Variants in ZC3H12B observed in about 807,000 individuals in gnomAD.
The protein encoded by ZC3H12B is zinc finger CCCH-type containing 12B.
Under a neutral mutation model 43.9 loss-of-function variants are expected in ZC3H12B, and 7 were observed. The ratio of observed to expected loss-of-function variants is 0.16; its 90% CI spans 0.09 to 0.30. The LOEUF (loss-of-function observed/expected upper bound fraction) is 0.30. Among genes scored for constraint, ZC3H12B ranks in the 10% least tolerant of loss-of-function variants. The pLI, the probability that ZC3H12B is intolerant of heterozygous loss-of-function variation, is 1.00. For synonymous variants in ZC3H12B, 222 were observed against 241.7 expected (o/e 0.92, Z 0.76); for missense variants, 475 against 670.2 (o/e 0.71, Z 3.22).
intron 2 of ZC3H12B, among the ~76,000 whole-genome samples, chrX:65,388,363 CT>C (rs1442756580): frequency 2.7e-5 from 3 of 111,637 alleles, no homozygotes; most frequent in Non-Finnish European, 5.6e-5. Context: ...TTTCTCTAAA[CT>C]TCTCTTCTTG....
At chrX:65,094,934 A>C in the ZC3H12B span, among the ~76,000 whole-genome samples, 8 of 112,228 alleles carry the variant, frequency 7.1e-5, no homozygotes, top group Non-Finnish European at 1.5e-4. Flanking sequence ...GGAACAATTA[A>C]CAGATAAACT....
At chrX:65,506,663 G>A (rs756100676) in exon 5 of ZC3H12B, 2 of 111,928 alleles carry the variant, frequency 1.8e-5, no homozygotes, top group Non-Finnish European at 3.8e-5. Context: ...TGTGCCTGTT[G>A]AGGCCTTCAA....
chrX:65,238,469 A>C, the ZC3H12B span, among the ~76,000 whole-genome samples: 1 of 108,312 alleles, frequency 9.2e-6, no homozygotes, highest in Non-Finnish European at 1.9e-5. Context: ...GCTTGTGGCT[A>C]TTTGATTCTT....
At chrX:65,497,100 T>C (rs771017419) in intron 1 of ZC3H12B, 32 bp from the exon 7 acceptor site, 1 of 1,172,904 alleles carries the variant, frequency 8.5e-7, no homozygotes, top group Non-Finnish European at 1.1e-6. Context: ...CTATTATCAA[T>C]CTTCTCTCCT....
chrX:65,466,919 T>TATATATAC (rs2067828495), intron 3 of ZC3H12B, among the ~76,000 whole-genome samples: 1 of 17,610 alleles, frequency 5.7e-5, no homozygotes. Context: ...AAACCAAATA[T>TATATATAC]ATATATATAT....
chrX:65,348,688 C>CAA, the ZC3H12B span, among the ~76,000 whole-genome samples: 6 of 50,444 alleles, frequency 1.2e-4, no homozygotes, highest in South Asian at 1.1e-3. Context: ...AAATGGCAAG[C>CAA]AAAAAAAAAA....
chrX:65,298,845 C>T, the ZC3H12B span, among the ~76,000 whole-genome samples: 3 of 111,212 alleles, frequency 2.7e-5, no homozygotes, highest in South Asian at 3.7e-4. Flanking sequence ...TGGTGGAAGG[C>T]AAAGGGAAAG....
the ZC3H12B span, among the ~76,000 whole-genome samples, chrX:65,136,201 ATGGGAGAACTACCT>A: frequency 2.7e-5 from 3 of 111,439 alleles, no homozygotes; most frequent in African/African-American, 9.8e-5. Context: ...ACAACAGCTA[ATGGGAGAACTACCT>A]CATTACTTCT....
At chrX:65,188,222 A>G in the ZC3H12B span, among the ~76,000 whole-genome samples, 1 of 111,457 alleles carries the variant, frequency 9.0e-6, no homozygotes, top group Non-Finnish European at 1.9e-5. Context: ...ATGGACACTT[A>G]GGTTGCTTCC....
chrX:65,414,374 A>C (rs939320452), intron 3 of ZC3H12B, among the ~76,000 whole-genome samples: 26 of 111,072 alleles, frequency 2.3e-4, no homozygotes, highest in African/African-American at 8.5e-4. Context: ...CTTTGCTGGA[A>C]GTGTTCTATG....
At chrX:65,242,106 G>A in the ZC3H12B span, among the ~76,000 whole-genome samples, 2 of 110,553 alleles carry the variant, frequency 1.8e-5, no homozygotes, top group South Asian at 7.9e-4. Context: ...TAGGGGTGGG[G>A]GTTACTTTGG....
chrX:65,373,644 G>A (rs1602334543), intron 2 of ZC3H12B, among the ~76,000 whole-genome samples: 1 of 99,421 alleles, frequency 1.0e-5, no homozygotes, highest in East Asian at 3.4e-4. Context: ...CGCAAGGACA[G>A]AAAACCAAAC....
At chrX:65,230,359 G>T in the ZC3H12B span, among the ~76,000 whole-genome samples, 5 of 108,290 alleles carry the variant, frequency 4.6e-5, no homozygotes, top group Middle Eastern at 4.7e-3. Flanking sequence ...GCAGGAAGGG[G>T]AACATCACAC....
At chrX:65,451,629 T>C (rs1333880474) in intron 3 of ZC3H12B, among the ~76,000 whole-genome samples, 1 of 112,085 alleles carries the variant, frequency 8.9e-6, no homozygotes, top group African/African-American at 3.2e-5. Context: ...CATCAGCCAC[T>C]GTGCTCAGCC....
the ZC3H12B span, among the ~76,000 whole-genome samples, chrX:65,196,170 G>A: frequency 4.1e-5 from 4 of 96,430 alleles, no homozygotes; most frequent in Non-Finnish European, 6.1e-5. Flanking sequence ...CGCTGCCTCA[G>A]CTGGTGCCCC....
the ZC3H12B span, among the ~76,000 whole-genome samples, chrX:65,237,487 T>C: frequency 1.8e-5 from 2 of 111,270 alleles, no homozygotes; most frequent in Non-Finnish European, 3.8e-5. Context: ...ATTTATTAGA[T>C]ATAGGATTAT....
At chrX:65,337,912 G>A in the ZC3H12B span, among the ~76,000 whole-genome samples, 1 of 111,968 alleles carries the variant, frequency 8.9e-6, no homozygotes, top group South Asian at 3.7e-4. Context: ...AAATGTTTTG[G>A]GTGTCATTAC....
Position 65,417,027 on chromosome X carries a change from C to G in ZC3H12B, n.407+18323C>G, listed in dbSNP as rs192176694. Reference sequence around the variant, plus strand: ...AGCCTTGATTTTTTAACCCATTCCCCAGATTATTCTGATGAAAGTATTCAA... The same window carrying G: ...AGCCTTGATTTTTTAACCCATTCCCGAGATTATTCTGATGAAAGTATTCAA... On this transcript the variant is annotated intron_variant and non_coding_transcript_variant, in intron 3 of 5. Transcript: ENST00000617377. Among the ~76,000 whole-genome samples the G allele has an allele frequency of 5.0e-3, 556 of 111,719 alleles. 2 individuals carry two copies. Among genetic ancestry groups the G allele is most frequent in the African/African-American group, 0.016 (488 of 30,762 alleles).
the ZC3H12B span, among the ~76,000 whole-genome samples, chrX:65,321,893 G>A: frequency 9.0e-6 from 1 of 110,844 alleles, no homozygotes; most frequent in South Asian, 3.8e-4. Context: ...GCTACTTAGG[G>A]GTGTAGGGAG....
Sources: allele counts gnomAD v4.1 joint callset (sites outside exome capture counted in the v4.1 genomes callset), GRCh38; gene constraint gnomAD v4.1.1; transcripts MANE v1.5; gene names NCBI Gene and HGNC (gene_info 2026-07-23, HGNC 2026-07-21).